Variants in CRIM1 observed in about 807,000 individuals in gnomAD.
CRIM1 encodes cysteine-rich motor neuron 1 protein.
In CRIM1, 32 loss-of-function variants were observed where a neutral mutation model predicts 116.4. The ratio of observed to expected loss-of-function variants is 0.27; its 90% CI spans 0.21 to 0.37. The LOEUF is 0.37. CRIM1 is among the 10% of genes least tolerant of loss of function. The pLI is 1.00. For missense variants in CRIM1, 1,331 were observed against 1,354.8 expected, an observed-to-expected ratio of 0.98 and a Z score of 0.28; for synonymous variants, 590 against 509.2, an observed-to-expected ratio of 1.16 and a Z score of -2.13.
intron 1 of CRIM1, among the ~76,000 whole-genome samples, chr2:36,380,365 G>A (rs1379976832): frequency 1.3e-5 from 2 of 152,116 alleles, no homozygotes; most frequent in African/African-American, 2.4e-5. Flanking sequence ...GGTACTCTGC[G>A]CTGCTCCTCT....
At chr2:36,522,605 C>T (rs188348175) in intron 13 of CRIM1, among the ~76,000 whole-genome samples, 56 of 152,034 alleles carry the variant, frequency 3.7e-4, no homozygotes, top group Non-Finnish European at 7.1e-4. Flanking sequence ...AGTTCAAGAC[C>T]AGCCTGGCCA....
Position 36,548,734 on chromosome 2 carries a change from G to T in CRIM1, c.*33G>T. 6.6e-7 allele frequency: 1 copy of T among 1,526,496 alleles called. No individual in the cohort carries two copies. The highest frequency in any genetic ancestry group is 1.3e-5 in the South Asian group (1 of 78,646). 94.6% of individuals were successfully genotyped at this position (1,526,496 alleles called of 1,614,324 possible). On this transcript the variant is annotated 3_prime_UTR_variant, in exon 17 of 17. Coordinates refer to ENST00000280527, the MANE Select transcript of CRIM1 (RefSeq NM_016441.3). ...CAACTAGGATGAGGTTTCAAAAGAC[G>T]GAAGACGACTAAATCTGCTCTAAAA...
chr2:36,539,979 GAA>G (rs1159568282), intron 14 of CRIM1, among the ~76,000 whole-genome samples: 2 of 152,116 alleles, frequency 1.3e-5, no homozygotes, highest in South Asian at 4.2e-4. Context: ...AAATAGAAAA[GAA>G]AAGAGAGCGC....
At chr2:36,409,428 A>T (rs567524483) in intron 2 of CRIM1, among the ~76,000 whole-genome samples, 1 of 152,338 alleles carries the variant, frequency 6.6e-6, no homozygotes, top group East Asian at 1.9e-4. Context: ...ATCCAGAAAG[A>T]AGGAGCAAGG....
intron 2 of CRIM1, among the ~76,000 whole-genome samples, chr2:36,432,192 G>A (rs1674946212): frequency 6.6e-6 from 1 of 152,154 alleles, no homozygotes; most frequent in African/African-American, 2.4e-5. Flanking sequence ...ATGGCAAAAT[G>A]TGTTCGGTGG....
intron 7 of CRIM1, among the ~76,000 whole-genome samples, chr2:36,493,929 A>G (rs1283112302): frequency 6.6e-6 from 1 of 152,220 alleles, no homozygotes; most frequent in African/African-American, 2.4e-5. Context: ...TTGTTGAACT[A>G]TATAATGTGA....
chr2:36,356,746 G>C lies in CRIM1; in HGVS notation c.331+123G>C. ...AAGAGGGCTCTGCGGGAAGAGGGGCGGCCGCCGCCCCCAGGAGAGTGCCCC... is the reference window on the plus strand; with the variant it reads ...AAGAGGGCTCTGCGGGAAGAGGGGCCGCCGCCGCCCCCAGGAGAGTGCCCC... On this transcript the variant is annotated intron_variant, in intron 1 of 16. Coordinates refer to ENST00000280527, the MANE Select transcript of CRIM1 (RefSeq NM_016441.3). This position sits in a 1 kb window ranked among gnomAD's most constrained non-coding sequence, Gnocchi z 4.3. 2 of 950,246 alleles carry C rather than the reference G, an allele frequency of 2.1e-6. No homozygotes were observed. The highest frequency in any genetic ancestry group is 1.7e-5 in the South Asian group (1 of 58,668). 58.9% of individuals were successfully genotyped at this position (950,246 alleles called of 1,614,324 possible).
intron 1 of CRIM1, among the ~76,000 whole-genome samples, chr2:36,384,061 A>T (rs1386930637): frequency 6.6e-6 from 1 of 152,224 alleles, no homozygotes. Context: ...TGCTACGGAG[A>T]AAAATAAAGC....
chr2:36,381,021 G>A (rs879697767), intron 1 of CRIM1, among the ~76,000 whole-genome samples: 1 of 152,200 alleles, frequency 6.6e-6, no homozygotes, highest in Admixed American at 6.5e-5. Flanking sequence ...CCTGCCCCAT[G>A]ACTTTGTCCC....
chr2:36,546,063 G>A (rs1667302562), intron 15 of CRIM1, among the ~76,000 whole-genome samples: 1 of 152,106 alleles, frequency 6.6e-6, no homozygotes, highest in South Asian at 2.1e-4. Context: ...AAACCACAGT[G>A]TTACATACCA....
intron 1 of CRIM1, among the ~76,000 whole-genome samples, chr2:36,360,803 TTCAC>T (rs1421794545): frequency 1.3e-5 from 2 of 152,284 alleles, no homozygotes; most frequent in Admixed American, 6.5e-5. Context: ...CGAATTTTAA[TTCAC>T]TCATTAAGTA....
intron 4 of CRIM1, among the ~76,000 whole-genome samples, chr2:36,450,642 C>T (rs1004575109): frequency 1.3e-5 from 2 of 152,160 alleles, no homozygotes; most frequent in African/African-American, 4.8e-5. Flanking sequence ...CATCACAGCT[C>T]CAAACTCTGT....
At chr2:36,473,599 T>A (rs1039681655) in intron 5 of CRIM1, among the ~76,000 whole-genome samples, 11 of 152,204 alleles carry the variant, frequency 7.2e-5, no homozygotes, top group African/African-American at 2.7e-4. Flanking sequence ...GGGTGTTTCA[T>A]ATAAGTAGAG....
rs78894971 is a variant in CRIM1, at chr2:36,550,072, C to T, written c.*1371C>T. 1,378 of 150,242 alleles carry T rather than the reference C, an allele frequency of 9.2e-3. 12 individuals are homozygous for T. The highest frequency in any genetic ancestry group is 0.061 in the East Asian group (310 of 5,068). The allele number at this position is 150,242 out of a possible 1,614,324, so 9.3% of individuals were successfully genotyped here. A position where few individuals can be genotyped will look rare whatever the true frequency, so the allele number is the denominator to read the frequency against. ...GTGTGTGTGTGTGTGTGTGTGCGCG[C>T]GCACGCACGCCTTGAGCAGTCAGCA... is the stretch of plus-strand genomic sequence containing the variant. On this transcript the variant is annotated 3_prime_UTR_variant, in exon 17 of 17. Coordinates refer to ENST00000280527, the MANE Select transcript of CRIM1 (RefSeq NM_016441.3).
chr2:36,547,498 C>T (rs573049424), intron 16 of CRIM1, among the ~76,000 whole-genome samples: 1 of 152,192 alleles, frequency 6.6e-6, no homozygotes, highest in South Asian at 2.1e-4. Context: ...GACATTAAAA[C>T]GTGATCACCT....
chr2:36,450,523 A>G (rs553565310), intron 4 of CRIM1, among the ~76,000 whole-genome samples: 3 of 152,340 alleles, frequency 2.0e-5, no homozygotes, highest in African/African-American at 7.2e-5. Context: ...CTTAAAATGA[A>G]AAAAGATCTA....
chr2:36,357,462 T>C (rs1254253489), intron 1 of CRIM1, among the ~76,000 whole-genome samples: 1 of 152,092 alleles, frequency 6.6e-6, no homozygotes, highest in African/African-American at 2.4e-5. Flanking sequence ...GGTGTCGAGA[T>C]TGACGGTGGG....
intron 2 of CRIM1, among the ~76,000 whole-genome samples, chr2:36,403,306 G>A (rs1322711741): frequency 2.0e-5 from 3 of 152,152 alleles, no homozygotes; most frequent in East Asian, 1.9e-4. Context: ...TTTGGAGAAC[G>A]TTGAATGGTT....
chr2:36,412,296 G>A (rs912454115), intron 2 of CRIM1, among the ~76,000 whole-genome samples: 7 of 145,274 alleles, frequency 4.8e-5, no homozygotes, highest in African/African-American at 1.9e-4. Flanking sequence ...GGGGTGGGGG[G>A]CGCACGGAAT....
Sources: allele counts gnomAD v4.1 joint callset (sites outside exome capture counted in the v4.1 genomes callset), GRCh38; gene constraint gnomAD v4.1.1; non-coding constraint Gnocchi (gnomAD v3.1); transcripts MANE v1.5; gene names NCBI Gene and HGNC (gene_info 2026-07-23, HGNC 2026-07-21).